The following UBASH3A variants were observed in gnomAD, a reference collection of about 807,000 sequenced individuals.
The protein encoded by UBASH3A is ubiquitin-associated and SH3 domain-containing protein A.
Under a neutral mutation model 73.5 loss-of-function variants are expected in UBASH3A, and 63 were observed. The observed-to-expected ratio is 0.86, with a 90% CI of 0.70 to 1.06. UBASH3A has a LOEUF of 1.06. Ranked by LOEUF, UBASH3A falls within the 50% of genes least tolerant of loss-of-function variation. The probability of loss-of-function intolerance (pLI) is 0.00; values close to 1 mark genes in which losing one functional copy is unlikely to be tolerated. For missense variants in UBASH3A, 860 were observed against 859.0 expected, an observed-to-expected ratio of 1.00 and a Z score of -0.02; for synonymous variants, 363 against 351.1, an observed-to-expected ratio of 1.03 and a Z score of -0.38.
At chr21:42,433,825 A>G (rs374786198) in intron 9 of UBASH3A, among the ~76,000 whole-genome samples, 4 of 151,884 alleles carry the variant, frequency 2.6e-5, no homozygotes, top group African/African-American at 9.7e-5. Context: ...GCTGCCCCCC[A>G]CTGCCCCCTG....
intron 5 of UBASH3A, among the ~76,000 whole-genome samples, chr21:42,414,674 G>A (rs2053166752): frequency 6.6e-6 from 1 of 152,182 alleles, no homozygotes. Context: ...AGAGACTGGA[G>A]TGATGTAGCC....
Position 42,422,410 on chromosome 21 carries a change from C to A in UBASH3A, c.1046+3801C>A, listed in dbSNP as rs149429890. Among the ~76,000 whole-genome samples the A allele has an allele frequency of 2.5e-3, 384 of 152,324 alleles. 3 individuals carry two copies. The highest frequency in any genetic ancestry group is 8.7e-3 in the African/African-American group (363 of 41,564). ...TGCATTTCCCTTACTAACTGATTTA[C>A]TTCTCCAATACCCCCTGGATAGGCA... On this transcript the variant is annotated intron_variant, in intron 7 of 14. Transcript: ENST00000319294.
intron 8 of UBASH3A, among the ~76,000 whole-genome samples, chr21:42,429,194 C>G (rs2053488994): frequency 6.6e-6 from 1 of 152,184 alleles, no homozygotes; most frequent in South Asian, 2.1e-4. Flanking sequence ...AATAAATTCT[C>G]CCCTAGAATG....
chr21:42,438,917 G>A (rs957627760), intron 11 of UBASH3A, among the ~76,000 whole-genome samples: 22 of 152,080 alleles, frequency 1.4e-4, no homozygotes, highest in Non-Finnish European at 2.8e-4. Flanking sequence ...GCAGATGGTG[G>A]TCTTGCTGGG....
At chr21:42,423,002 T>G (rs750770975) in intron 7 of UBASH3A, among the ~76,000 whole-genome samples, 1 of 152,244 alleles carries the variant, frequency 6.6e-6, no homozygotes, top group Non-Finnish European at 1.5e-5. Context: ...GTATGAAGCA[T>G]ATAAATGCAT....
At chr21:42,427,841 C>T (rs1037417690) in intron 8 of UBASH3A, among the ~76,000 whole-genome samples, 4 of 152,172 alleles carry the variant, frequency 2.6e-5, no homozygotes, top group Admixed American at 6.5e-5. Context: ...AAGGCTCTGC[C>T]GGGACTTGTC....
intron 14 of UBASH3A, 126 bp downstream of exon 14, chr21:42,444,769 C>A: frequency 2.6e-6 from 2 of 758,330 alleles, no homozygotes; most frequent in Non-Finnish European, 4.5e-6. Context: ...GATCCACGTG[C>A]CCCCGGAGAC....
At chr21:42,420,908 T>G (rs1034404349) in intron 7 of UBASH3A, among the ~76,000 whole-genome samples, 7 of 152,248 alleles carry the variant, frequency 4.6e-5, no homozygotes, top group African/African-American at 1.7e-4. Context: ...GACTAGCATT[T>G]GATGGGATAG....
chr21:42,406,160 G>T, intron 1 of UBASH3A, 148 bp from the exon 2 acceptor site: 1 of 720,576 alleles, frequency 1.4e-6, no homozygotes. Context: ...GGGGACAGGC[G>T]CTAGAACTTC....
intron 1 of UBASH3A, 134 bp from the exon 2 acceptor site, chr21:42,406,174 C>A (rs970117900): frequency 9.2e-6 from 7 of 763,864 alleles, no homozygotes; most frequent in Middle Eastern, 2.2e-4. Flanking sequence ...GAACTTCCAG[C>A]TGGAAGTTCA....
chr21:42,434,842 C>G lies in UBASH3A; in HGVS notation c.1281C>G (p.Tyr427Ter). The part of the protein sequence containing the change: ...QQCSTPDGKY[Y>*]RPDLNFPCSL... The stretch of plus-strand genomic sequence containing the variant: ...TTATTTATACTTCAGGGAAATACTA[C>G]AGGCCAGACCTGAATTTCCCCTGCA... The change falls in exon 10 of 15, where the codon TAC becomes TAG. Residue 427 changes from tyrosine to a stop codon, truncating the protein, a stop_gained. Transcript: ENST00000319294. LOFTEE classifies it high-confidence loss of function. 1 of 1,613,736 alleles carries G rather than the reference C, an allele frequency of 6.2e-7. No homozygotes were observed. Among genetic ancestry groups the G allele is most frequent in the Non-Finnish European group, 8.5e-7 (1 of 1,179,846 alleles).
chr21:42,434,770 T>C, intron 9 of UBASH3A, 62 bp from the exon 10 acceptor site: 1 of 1,549,760 alleles, frequency 6.5e-7, no homozygotes, highest in South Asian at 1.2e-5. Flanking sequence ...CTTGGGAGTT[T>C]TGTGGAACAA....
In UBASH3A at chr21:42,426,774, T is replaced by C; in HGVS notation, c.1124T>C (p.Phe375Ser). The stretch of plus-strand genomic sequence containing the variant: ...GCCAGCAGCAGATGCAGCGGGGAAT[T>C]TCTTCCACAAACGGCAAGGAGTCTT... ...GEASSRCSGE[F>S]LPQTARSLSS... is the part of the protein sequence containing the mutation. The change falls in exon 8 of 15, where the codon TTT (phenylalanine) becomes TCT (serine). Residue 375 changes from phenylalanine to serine, a missense_variant. By Grantham distance (155) the Phe-to-Ser change is radical (BLOSUM62 -2). Coordinates refer to ENST00000319294, the MANE Select transcript of UBASH3A (RefSeq NM_018961.4). 6.2e-7 allele frequency: 1 copy of C among 1,614,200 alleles called. No homozygotes were observed. Among genetic ancestry groups the C allele is most frequent in the Non-Finnish European group, 8.5e-7 (1 of 1,180,018 alleles).
chr21:42,412,254 A>G (rs1250415753), intron 3 of UBASH3A, among the ~76,000 whole-genome samples: 1 of 152,148 alleles, frequency 6.6e-6, no homozygotes, highest in Non-Finnish European at 1.5e-5. Flanking sequence ...CTGTCGGGCC[A>G]GCACCTGTCG....
rs377243207 is a variant in UBASH3A at position 42,413,001 on chromosome 21, A to G, written c.355-23A>G. 5.8e-5 allele frequency: 93 copies of G among 1,597,238 alleles called. No homozygotes were observed. In the African/African-American group the frequency reaches 1.1e-3, roughly 19 times the overall value. ...CTTCTGATGAGAGGTGTGGAAACAC[A>G]GGCTCTGTCTCTGTCCCCTTAGTGT... On this transcript the variant is annotated intron_variant, in intron 3 of 14. Transcript: ENST00000319294. This position sits in a 1 kb window ranked among gnomAD's most constrained non-coding sequence, Gnocchi z 4.5.
At chr21:42,407,165 C>T (rs1375290260) in intron 2 of UBASH3A, among the ~76,000 whole-genome samples, 1 of 152,100 alleles carries the variant, frequency 6.6e-6, no homozygotes, top group Non-Finnish European at 1.5e-5. Flanking sequence ...GGAGGGCCAC[C>T]GTTTCTCTAA....
chr21:42,404,607 C>T (rs1391531799), intron 1 of UBASH3A, among the ~76,000 whole-genome samples: 1 of 152,090 alleles, frequency 6.6e-6, no homozygotes, highest in Non-Finnish European at 1.5e-5. Flanking sequence ...TCTTTGTGTG[C>T]AGCTCAGTGA....
chr21:42,441,100 G>A (rs959457683), intron 11 of UBASH3A, among the ~76,000 whole-genome samples: 1 of 151,876 alleles, frequency 6.6e-6, no homozygotes, highest in African/African-American at 2.4e-5. Flanking sequence ...TGTTTAAAGG[G>A]CATGGGTTTA....
chr21:42,426,703 C>A lies in UBASH3A; in HGVS notation c.1053C>A (p.Tyr351Ter). 6.2e-7 allele frequency: 1 copy of A among 1,613,824 alleles called. No individual in the cohort carries two copies. Among genetic ancestry groups the A allele is most frequent in the Non-Finnish European group, 8.5e-7 (1 of 1,179,804 alleles). Residue 351 changes from tyrosine to a stop codon, truncating the protein, a stop_gained, in exon 8 of 15, where the codon TAC becomes TAA. Transcript: ENST00000319294. LOFTEE classifies it high-confidence loss of function. ...TGCTTTCCTTCCCCTGCAGGATGTA[C>A]ACCTTCAGTCTAGCCACAGACCTGA... ...ESDTWVKHRM[Y>*]TFSLATDLNS...
Sources: gnomAD v4.1 joint callset for allele counts (sites outside exome capture counted in the v4.1 genomes callset) on GRCh38, gnomAD v4.1.1 for gene constraint, Gnocchi (gnomAD v3.1) non-coding constraint, MANE v1.5 for transcripts, NCBI Gene and HGNC (gene_info 2026-07-23, HGNC 2026-07-21) for gene names.